MIPOL1: variants seen among roughly 807,000 people sequenced by gnomAD.
MIPOL1 encodes mirror-image polydactyly gene 1 protein.
A neutral mutation model predicts 60.9 loss-of-function variants in MIPOL1; 57 were observed. That is an observed-to-expected ratio of 0.94 (90% CI 0.76 to 1.17). The LOEUF is 1.17. MIPOL1 is among the 50% of genes most tolerant of loss of function. The pLI, the probability that MIPOL1 is intolerant of heterozygous loss-of-function variation, is 0.00. For missense variants in MIPOL1, 551 were observed against 511.6 expected, an observed-to-expected ratio of 1.08 and a Z score of -0.74; for synonymous variants, 179 against 168.8, an observed-to-expected ratio of 1.06 and a Z score of -0.47.
chr14:37,445,015 C>T lies in MIPOL1; in HGVS notation c.1031+22066C>T, dbSNP rs141540055. On this transcript the variant is annotated intron_variant, in intron 11 of 12. Transcript: ENST00000684589. ...GAAGCATTCCCTTTGAAAACTGGCA[C>T]AAGACAGGGATGCCCTCTCTCACCA... is the stretch of plus-strand genomic sequence containing the variant. Among the ~76,000 whole-genome samples the T allele has an allele frequency of 2.1e-3, 320 of 152,266 alleles. 2 individuals are homozygous for T. Among genetic ancestry groups the T allele is most frequent in the African/African-American group, 7.1e-3 (296 of 41,546 alleles).
chr14:37,300,039 C>T (rs1220035331), intron 7 of MIPOL1, among the ~76,000 whole-genome samples: 1 of 151,834 alleles, frequency 6.6e-6, no homozygotes, highest in Non-Finnish European at 1.5e-5. Flanking sequence ...GAAGTGAGTG[C>T]CATTTTCCTT....
In MIPOL1 at chr14:37,391,401, C is replaced by CTTTTT. The variant is rs10656096; in HGVS notation, c.936+21786_936+21790dup. Among the ~76,000 whole-genome samples, 3 of 145,198 alleles carry CTTTTT rather than the reference C, an allele frequency of 2.1e-5. No individual in the cohort carries two copies. In the East Asian group the frequency reaches 6.1e-4, roughly 29 times the overall value. Reference sequence around the variant, plus strand: ...AAATATTGATCTAATGAAGCCTAATCTTTTTTTTTTTTTGAGATAGAGTCT... The same window carrying CTTTTT: ...AAATATTGATCTAATGAAGCCTAATCTTTTTTTTTTTTTTTTTTGAGATAGAGTCT... On this transcript the variant is annotated intron_variant, in intron 10 of 12. Transcript: ENST00000684589.
chr14:37,446,000 G>T (rs1485407192), intron 11 of MIPOL1, among the ~76,000 whole-genome samples: 3 of 152,094 alleles, frequency 2.0e-5, no homozygotes, highest in Admixed American at 1.3e-4. Flanking sequence ...TACCATTCAG[G>T]ACATAGGCAT....
chr14:37,286,922 G>A (rs1201698058), intron 7 of MIPOL1, among the ~76,000 whole-genome samples: 1 of 152,110 alleles, frequency 6.6e-6, no homozygotes, highest in Admixed American at 6.5e-5. Flanking sequence ...GGGGTTGATT[G>A]GAGGTAGCCA....
chr14:37,513,836 C>T (rs911099153), intron 12 of MIPOL1, among the ~76,000 whole-genome samples: 4 of 151,960 alleles, frequency 2.6e-5, no homozygotes, highest in African/African-American at 9.7e-5. Flanking sequence ...TCTGCATACT[C>T]AGATAGATAA....
At chr14:37,393,270 C>A (rs897359602) in intron 10 of MIPOL1, among the ~76,000 whole-genome samples, 2 of 152,016 alleles carry the variant, frequency 1.3e-5, no homozygotes, top group Non-Finnish European at 2.9e-5. Context: ...GGGTTTTAAG[C>A]CACCCAATTT....
intron 12 of MIPOL1, among the ~76,000 whole-genome samples, chr14:37,509,213 C>G (rs1463035466): frequency 6.6e-6 from 1 of 152,028 alleles, no homozygotes; most frequent in Non-Finnish European, 1.5e-5. Context: ...TTCCAAAACT[C>G]TTTACTCTTC....
rs528794568 is a variant in MIPOL1, at chr14:37,468,392, A to G, written c.1032-31516A>G. Among the ~76,000 whole-genome samples, 136 of 152,296 alleles carry G rather than the reference A, an allele frequency of 8.9e-4. 1 individual carries two copies. The highest frequency in any genetic ancestry group is 2.4e-3 in the African/African-American group (98 of 41,578). ...ATCCCCTTCCAGGATACATTAATTC[A>G]TGAAGTTAGTTTTGCTTACTTTTCT... On this transcript the variant is annotated intron_variant, in intron 11 of 12. Transcript: ENST00000684589.
At chr14:37,267,857 G>A (rs989226800) in intron 4 of MIPOL1, among the ~76,000 whole-genome samples, 14 of 152,102 alleles carry the variant, frequency 9.2e-5, no homozygotes, top group Non-Finnish European at 1.8e-4. Flanking sequence ...TTTGGTTTGG[G>A]TTAGCGCTAT....
intron 9 of MIPOL1, among the ~76,000 whole-genome samples, chr14:37,328,030 GA>G (rs1254667367): frequency 7.1e-6 from 1 of 141,232 alleles, no homozygotes; most frequent in Admixed American, 7.1e-5. Flanking sequence ...CTTTTTTTTT[GA>G]GACAGAGTTT....
chr14:37,340,766 T>C (rs537782985), intron 9 of MIPOL1, among the ~76,000 whole-genome samples: 5 of 152,182 alleles, frequency 3.3e-5, no homozygotes, highest in Non-Finnish European at 7.3e-5. Context: ...TTTATAAATT[T>C]AGTGTAGCCT....
chr14:37,292,447 GTGAATTTCCTTAATAAACTTTTT>G (rs2085175779), intron 7 of MIPOL1, among the ~76,000 whole-genome samples: 3 of 141,636 alleles, frequency 2.1e-5, no homozygotes, highest in Non-Finnish European at 3.1e-5. Flanking sequence ...AATGGTACAA[GTGAATTTCCTTAATAAACTTTTT>G]TTTTTTTTTT....
intron 11 of MIPOL1, among the ~76,000 whole-genome samples, chr14:37,450,733 G>A (rs1004092088): frequency 6.6e-6 from 1 of 152,036 alleles, no homozygotes; most frequent in Non-Finnish European, 1.5e-5. Flanking sequence ...CTAATAGACA[G>A]ATGTTATACT....
intron 10 of MIPOL1, among the ~76,000 whole-genome samples, chr14:37,375,239 C>T (rs2092743093): frequency 6.6e-6 from 1 of 151,928 alleles, no homozygotes; most frequent in Admixed American, 6.6e-5. Context: ...ATGAGTGTCT[C>T]ACTGTGTCAC....
intron 9 of MIPOL1, among the ~76,000 whole-genome samples, chr14:37,324,121 T>C (rs2088902165): frequency 6.6e-6 from 1 of 152,066 alleles, no homozygotes; most frequent in Admixed American, 6.6e-5. Context: ...ATGTATTTAT[T>C]TTTAAAAGAC....
intron 1 of MIPOL1, among the ~76,000 whole-genome samples, chr14:37,214,260 C>G (rs1042341129): frequency 6.6e-6 from 1 of 152,072 alleles, no homozygotes; most frequent in Non-Finnish European, 1.5e-5. Context: ...AAAGTAGTAA[C>G]TTCAGCAACT....
At position 37,428,088 on chromosome 14, in the gene MIPOL1, A is replaced by T. The variant is rs139518411; in HGVS notation, c.1031+5139A>T. Among the ~76,000 whole-genome samples, 701 of 152,256 alleles carry T rather than the reference A, an allele frequency of 4.6e-3. 4 individuals are homozygous for T. Among genetic ancestry groups the T allele is most frequent in the African/African-American group, 0.015 (621 of 41,552 alleles). ...ATTTACCAATATTTAAGAAAAAAAT[A>T]AGGCTGGGAAAATATAGGATTAGGA... On this transcript the variant is annotated intron_variant, in intron 11 of 12. Transcript: ENST00000684589.
At chr14:37,415,213 C>T (rs1343647139) in intron 10 of MIPOL1, among the ~76,000 whole-genome samples, 2 of 151,940 alleles carry the variant, frequency 1.3e-5, no homozygotes, top group African/African-American at 2.4e-5. Flanking sequence ...ATATGTGCCT[C>T]CAGGAAAGGT....
chr14:37,239,705 ATT>A (rs763905027), intron 1 of MIPOL1, among the ~76,000 whole-genome samples: 25 of 152,250 alleles, frequency 1.6e-4, no homozygotes, highest in Non-Finnish European at 3.4e-4. Context: ...TTGGGATCAT[ATT>A]TTTACTACAT....
Sources: allele counts gnomAD v4.1 joint callset (sites outside exome capture counted in the v4.1 genomes callset), GRCh38; gene constraint gnomAD v4.1.1; transcripts MANE v1.5; gene names NCBI Gene and HGNC (gene_info 2026-07-23, HGNC 2026-07-21).